The following CNTNAP2 variants were observed in gnomAD, a reference collection of about 807,000 sequenced individuals.
The protein encoded by CNTNAP2 is contactin associated protein 2, also known as contactin-associated protein-like 2.
A neutral mutation model predicts 155.2 loss-of-function variants in CNTNAP2; 98 were observed. The observed-to-expected ratio is 0.63, with a 90% CI of 0.54 to 0.75. CNTNAP2 has a LOEUF of 0.75. CNTNAP2 is among the 30% of genes least tolerant of loss of function. CNTNAP2 has a pLI of 0.00. For missense variants in CNTNAP2, 1,727 were observed against 1,688.1 expected (o/e 1.02, Z -0.40); for synonymous variants, 651 against 631.2 (o/e 1.03, Z -0.47).
intron 8 of CNTNAP2, among the ~76,000 whole-genome samples, chr7:147,208,830 T>C (rs1260749177): frequency 6.6e-6 from 1 of 152,008 alleles, no homozygotes; most frequent in Non-Finnish European, 1.5e-5. Flanking sequence ...ATATTCTTGC[T>C]AAATGAACAA....
At position 148,419,936 on chromosome 7, in the gene CNTNAP2, C is replaced by G. The variant is rs1800077503; in HGVS notation, c.*4320C>G. 6.6e-6 allele frequency: 1 copy of G among 152,164 alleles called. No homozygotes were observed. Among genetic ancestry groups the G allele is most frequent in the South Asian group, 2.1e-4 (1 of 4,822 alleles). 9.4% of individuals were successfully genotyped at this position (152,164 alleles called of 1,614,324 possible). A position where few individuals can be genotyped will look rare whatever the true frequency, so the allele number is the denominator to read the frequency against. ...AGACAGTTGCGAGGTGCCATTGATT[C>G]TTGACTGCAAAATACCTTGAAACCC... On this transcript the variant is annotated 3_prime_UTR_variant, in exon 24 of 24. Coordinates refer to ENST00000361727, the MANE Select transcript of CNTNAP2 (RefSeq NM_014141.6).
At chr7:146,669,799 T>G (rs536959578) in intron 1 of CNTNAP2, among the ~76,000 whole-genome samples, 131 of 152,160 alleles carry the variant, frequency 8.6e-4, no homozygotes, top group Non-Finnish European at 1.4e-3. Flanking sequence ...GTTTCAACCT[T>G]TTTTTAAACT....
At chr7:148,158,222 C>CTTTTTGTTTTTT (rs1805441590) in intron 17 of CNTNAP2, among the ~76,000 whole-genome samples, 1 of 94,800 alleles carries the variant, frequency 1.1e-5, no homozygotes, top group Admixed American at 1.3e-4. Flanking sequence ...AATGTTTGCG[C>CTTTTTGTTTTTT]TTTTTTTTTT....
Position 147,639,284 on chromosome 7 carries a change from G to A in CNTNAP2, c.2076G>A (p.Met692Ile), listed in dbSNP as rs776536565. The stretch of plus-strand genomic sequence containing the variant: ...AGTATGTCTCCTATTTCTGCAAGAT[G>A]TCAAGATTGTTGAACACCCCAGGTA... ...CEQYVSYFCK[M>I]SRLLNTPDGS... The change falls in exon 13 of 24, where the codon ATG becomes ATA. Residue 692 changes from methionine (M) to isoleucine (I), a missense_variant. By Grantham distance (10) the Met-to-Ile change is conservative. Transcript: ENST00000361727. 6.2e-7 allele frequency: 1 copy of A among 1,614,078 alleles called. No homozygotes were observed. The highest frequency in any genetic ancestry group is 1.1e-5 in the South Asian group (1 of 91,088).
intron 21 of CNTNAP2, among the ~76,000 whole-genome samples, chr7:148,360,791 G>A (rs1236672411): frequency 4.0e-5 from 6 of 151,340 alleles, no homozygotes; most frequent in South Asian, 2.1e-4. Context: ...TGTTAGAGTC[G>A]CTTTTCTTTC....
chr7:148,197,506 T>C (rs1296528219), intron 18 of CNTNAP2, among the ~76,000 whole-genome samples: 2 of 152,204 alleles, frequency 1.3e-5, no homozygotes, highest in African/African-American at 4.8e-5. Context: ...CTCAAGTGTT[T>C]ACCCGTTCTT....
intron 3 of CNTNAP2, among the ~76,000 whole-genome samples, chr7:147,039,012 T>C (rs1195395604): frequency 6.6e-6 from 1 of 152,144 alleles, no homozygotes; most frequent in Non-Finnish European, 1.5e-5. Flanking sequence ...CAATACTGAC[T>C]TCCTTGCTAC....
intron 12 of CNTNAP2, 137 bp from the exon 13 acceptor site, chr7:147,638,969 A>T: frequency 2.3e-6 from 2 of 871,008 alleles, no homozygotes; most frequent in Non-Finnish European, 3.9e-6. Flanking sequence ...AGGGGGTTTT[A>T]AGGATTGCTC....
At chr7:146,911,725 G>A (rs2129217220) in intron 3 of CNTNAP2, among the ~76,000 whole-genome samples, 1 of 151,914 alleles carries the variant, frequency 6.6e-6, no homozygotes, top group South Asian at 2.1e-4. Flanking sequence ...GTTAGTGGGT[G>A]CAGCGCACCA....
chr7:146,638,476 C>CTTTTTTTTTTTTTTTTTGTTTTT, intron 1 of CNTNAP2, among the ~76,000 whole-genome samples: 1 of 64,330 alleles, frequency 1.6e-5, no homozygotes, highest in Non-Finnish European at 3.5e-5. Flanking sequence ...TCAGGTGTTT[C>CTTTTTTTTTTTTTTTTTGTTTTT]TTTTTTTTTT....
chr7:147,776,091 T>G (rs1180326237), intron 13 of CNTNAP2, among the ~76,000 whole-genome samples: 1 of 152,126 alleles, frequency 6.6e-6, no homozygotes, highest in Non-Finnish European at 1.5e-5. Context: ...TGAAAAGTAC[T>G]AGAAATGTAC....
At chr7:147,149,042 G>A (rs1431915500) in intron 8 of CNTNAP2, among the ~76,000 whole-genome samples, 2 of 148,936 alleles carry the variant, frequency 1.3e-5, no homozygotes, top group African/African-American at 5.2e-5. Context: ...TGCCGCTGCT[G>A]GCTGGGGTGG....
intron 1 of CNTNAP2, among the ~76,000 whole-genome samples, chr7:146,727,997 T>C (rs1221366077): frequency 6.6e-6 from 1 of 152,016 alleles, no homozygotes; most frequent in African/African-American, 2.4e-5. Context: ...GCTCACTAAG[T>C]AGAGAAGGGG....
chr7:146,281,421 CA>C (rs1294140398), intron 1 of CNTNAP2, among the ~76,000 whole-genome samples: 1 of 152,144 alleles, frequency 6.6e-6, no homozygotes, highest in Non-Finnish European at 1.5e-5. Flanking sequence ...GAACACTTAA[CA>C]AAAATATATT....
At chr7:148,276,095 GC>G (rs1164362756) in intron 21 of CNTNAP2, among the ~76,000 whole-genome samples, 1 of 152,138 alleles carries the variant, frequency 6.6e-6, no homozygotes, top group Non-Finnish European at 1.5e-5. Flanking sequence ...GTCCTGCTTT[GC>G]CTGGGACAGA....
chr7:147,150,512 C>T (rs1181758605), intron 8 of CNTNAP2, among the ~76,000 whole-genome samples: 1 of 152,136 alleles, frequency 6.6e-6, no homozygotes, highest in Non-Finnish European at 1.5e-5. Context: ...CAACTTAGAT[C>T]TTGACTAAGT....
chr7:146,244,427 G>A (rs1799612661), intron 1 of CNTNAP2, among the ~76,000 whole-genome samples: 1 of 152,148 alleles, frequency 6.6e-6, no homozygotes, highest in Non-Finnish European at 1.5e-5. Flanking sequence ...CTGGTGTCTG[G>A]AATGAGACTG....
intron 8 of CNTNAP2, among the ~76,000 whole-genome samples, chr7:147,152,612 G>T (rs1801849419): frequency 6.6e-6 from 1 of 152,014 alleles, no homozygotes; most frequent in Non-Finnish European, 1.5e-5. Context: ...CAAGTAATGT[G>T]TTTACAGTAT....
At chr7:147,709,151 C>T (rs1052919859) in intron 13 of CNTNAP2, among the ~76,000 whole-genome samples, 5 of 152,152 alleles carry the variant, frequency 3.3e-5, no homozygotes, top group Admixed American at 3.3e-4. Context: ...GCTCTTCTCT[C>T]AGTGATCTCC....
Sources: gnomAD v4.1 joint callset for allele counts (sites outside exome capture counted in the v4.1 genomes callset) on GRCh38, gnomAD v4.1.1 for gene constraint, MANE v1.5 for transcripts, NCBI Gene and HGNC (gene_info 2026-07-23, HGNC 2026-07-21) for gene names.